The following IHO1 variants were observed in gnomAD, a reference collection of about 807,000 sequenced individuals.
IHO1 encodes the protein interactor of HORMAD1 1.
Under a neutral mutation model 31.0 loss-of-function variants are expected in IHO1, and 13 were observed. The ratio of observed to expected loss-of-function variants is 0.42; its 90% CI spans 0.27 to 0.67. IHO1 has a LOEUF of 0.67. IHO1 is among the 30% of genes least tolerant of loss of function. The pLI, the probability that IHO1 is intolerant of heterozygous loss-of-function variation, is 0.24. For synonymous variants in IHO1, 221 were observed against 248.4 expected (o/e 0.89, Z 1.04); for missense variants, 599 against 687.5 (o/e 0.87, Z 1.44).
At chr3:49,202,809 G>A (rs2046086751) in intron 1 of IHO1, among the ~76,000 whole-genome samples, 1 of 151,436 alleles carries the variant, frequency 6.6e-6, no homozygotes, top group Admixed American at 6.6e-5. Context: ...CCAAGTAGCT[G>A]GAACTACAGG....
intron 4 of IHO1, 139 bp downstream of exon 4, chr3:49,241,528 TACACACACATACACACACACACAC>T: frequency 5.4e-6 from 3 of 554,838 alleles, no homozygotes; most frequent in East Asian, 5.9e-5. Flanking sequence ...CCATAGGACT[TACACACACATACACACACACACAC>T]ACACACACAG....
chr3:49,213,147 G>GAC (rs60115358), intron 2 of IHO1, among the ~76,000 whole-genome samples: 125,488 of 151,882 alleles, frequency 0.83, 52,658 homozygotes, highest in East Asian at 0.99. Context: ...CCTTGAGCTA[G>GAC]ACAGAGTGCT....
chr3:49,228,540 G>A (rs1230738321), intron 2 of IHO1, among the ~76,000 whole-genome samples: 1 of 152,224 alleles, frequency 6.6e-6, no homozygotes, highest in Non-Finnish European at 1.5e-5. Flanking sequence ...GCGCCAAAAT[G>A]TGTCCAGAAT....
intron 6 of IHO1, among the ~76,000 whole-genome samples, chr3:49,246,855 TTTC>T (rs2046700797): frequency 6.6e-6 from 1 of 151,694 alleles, no homozygotes; most frequent in South Asian, 2.1e-4. Context: ...CTTTTTTTCT[TTTC>T]TTTTTTTTTT....
chr3:49,211,630 A>T (rs1193064514), intron 1 of IHO1, 136 bp from the exon 2 acceptor site: 23 of 382,838 alleles, frequency 6.0e-5, no homozygotes, highest in Non-Finnish European at 1.9e-5. Flanking sequence ...TCTCAAAAAA[A>T]AAAAACAGAA....
chr3:49,229,898 AAT>A (rs2046461027), intron 2 of IHO1, among the ~76,000 whole-genome samples: 1 of 152,206 alleles, frequency 6.6e-6, no homozygotes. Flanking sequence ...CACAAGTTCT[AAT>A]TCCTGAGCAG....
In IHO1 at chr3:49,224,238, G is replaced by A. The variant is rs2107703253; in HGVS notation, c.57-12310G>A. On this transcript the variant is annotated intron_variant, in intron 2 of 7. Transcript: ENST00000452691. ...GAATACTGGGGCTTAATCTCGTGGA[G>A]GGAGTTGTTCCATACCAAGGATCCT... Among the ~76,000 whole-genome samples the A allele has an allele frequency of 1.3e-5, 2 of 152,328 alleles. 1 individual carries two copies. The highest frequency in any genetic ancestry group is 4.8e-5 in the African/African-American group (2 of 41,576).
chr3:49,252,430 T>A (rs1279000101), intron 6 of IHO1, among the ~76,000 whole-genome samples: 3 of 152,110 alleles, frequency 2.0e-5, no homozygotes, highest in African/African-American at 7.2e-5. Flanking sequence ...TCTTTTTTTT[T>A]ATTTTTGAGA....
At chr3:49,214,632 A>ATTTTTTTTTTTTT (rs3083884) in intron 2 of IHO1, among the ~76,000 whole-genome samples, 2 of 5,188 alleles carry the variant, frequency 3.9e-4, no homozygotes, top group Non-Finnish European at 3.2e-4. Context: ...ATATATATAT[A>ATTTTTTTTTTTTT]TTTTTTTTTT....
chr3:49,198,890 G>C (rs2107673300), upstream of IHO1: 1 of 153,102 alleles, frequency 6.5e-6, no homozygotes, highest in East Asian at 1.9e-4. Context: ...TTTCCTCCAG[G>C]GGCCCGGTTC....
At chr3:49,221,793 C>T (rs1019536348) in intron 2 of IHO1, among the ~76,000 whole-genome samples, 5 of 152,264 alleles carry the variant, frequency 3.3e-5, no homozygotes, top group East Asian at 1.9e-4. Context: ...ACACAGGGCC[C>T]GAAGGCGAGT....
In IHO1 at chr3:49,201,003, G is replaced by GTTTT. The variant is rs10650561; in HGVS notation, c.-16+1435_-16+1438dup. On this transcript the variant is annotated intron_variant, in intron 1 of 7. Transcript: ENST00000452691. ...AAGGGTGTACTTACCACAGTTTTTT[G>GTTTT]TTTTTTTTGAGACGGAGTCTCGCTT... 3.1e-3 allele frequency among the ~76,000 whole-genome samples: 470 copies of GTTTT among 149,670 alleles called. 4 individuals are homozygous for GTTTT. Among genetic ancestry groups the GTTTT allele is most frequent in the Admixed American group, 8.8e-3 (132 of 15,068 alleles).
chr3:49,217,516 A>T (rs1185956127), intron 2 of IHO1, among the ~76,000 whole-genome samples: 1 of 150,780 alleles, frequency 6.6e-6, no homozygotes, highest in Non-Finnish European at 1.5e-5. Context: ...TGGGGGAGGG[A>T]TAGCATTAGG....
At chr3:49,192,011 T>C in the IHO1 span, among the ~76,000 whole-genome samples, 1 of 152,302 alleles carries the variant, frequency 6.6e-6, no homozygotes, top group South Asian at 2.1e-4. Context: ...TGAAGAGCCC[T>C]TATATATAGA....
chr3:49,231,269 C>T (rs1368962196), intron 2 of IHO1, among the ~76,000 whole-genome samples: 1 of 152,182 alleles, frequency 6.6e-6, no homozygotes, highest in Admixed American at 6.5e-5. Context: ...TTGGCAAACC[C>T]ATTTAGCTGA....
chr3:49,226,888 G>A (rs960585342), intron 2 of IHO1, among the ~76,000 whole-genome samples: 1 of 152,234 alleles, frequency 6.6e-6, no homozygotes, highest in South Asian at 2.1e-4. Context: ...ACCTGGGTTG[G>A]GCCAAATTCC....
At chr3:49,233,037 G>C (rs917361587) in intron 2 of IHO1, among the ~76,000 whole-genome samples, 1 of 152,182 alleles carries the variant, frequency 6.6e-6, no homozygotes, top group Non-Finnish European at 1.5e-5. Flanking sequence ...GAATGTACTT[G>C]TTTGGGAAGA....
chr3:49,244,208 C>T (rs910342294), intron 4 of IHO1, among the ~76,000 whole-genome samples, 196 bp from the exon 5 acceptor site: 1 of 152,088 alleles, frequency 6.6e-6, no homozygotes, highest in African/African-American at 2.4e-5. Flanking sequence ...CTGCCTTAGC[C>T]TCCCAAGATG....
intron 3 of IHO1, among the ~76,000 whole-genome samples, chr3:49,237,050 C>CAA (rs530099302): frequency 1.4e-5 from 2 of 139,824 alleles, no homozygotes; most frequent in African/African-American, 5.3e-5. Context: ...GAACCTGTCT[C>CAA]AAAAAAAAAA....
Sources: gnomAD v4.1 joint callset for allele counts (sites outside exome capture counted in the v4.1 genomes callset) on GRCh38, gnomAD v4.1.1 for gene constraint, MANE v1.5 for transcripts, NCBI Gene and HGNC (gene_info 2026-07-23, HGNC 2026-07-21) for gene names.